ADGRV1: variants seen among roughly 807,000 people sequenced by gnomAD.
ADGRV1 encodes adhesion G protein-coupled receptor V1, also known as G-protein coupled receptor 98.
ADGRV1 carries 359 observed loss-of-function variants against 596.2 expected under a neutral mutation model. That is an observed-to-expected ratio of 0.60 (90% CI 0.55 to 0.66). The LOEUF (loss-of-function observed/expected upper bound fraction) is 0.66, where lower values mean the gene tolerates loss of function less well. Among genes scored for constraint, ADGRV1 ranks in the 30% least tolerant of loss-of-function variants. ADGRV1 has a pLI of 0.00. For missense variants in ADGRV1, 7,274 were observed against 7,575.6 expected (o/e 0.96, Z 1.48); for synonymous variants, 2,681 against 2,679.2 (o/e 1.00, Z -0.02).
At chr5:90,767,844 A>AGGTGTGATTACCCTAAT (rs1193078370) in intron 59 of ADGRV1, among the ~76,000 whole-genome samples, 1 of 152,152 alleles carries the variant, frequency 6.6e-6, no homozygotes, top group Non-Finnish European at 1.5e-5. Context: ...ATCATTCTTG[A>AGGTGTGATTACCCTAAT]GGTGTGATTA....
intron 78 of ADGRV1, among the ~76,000 whole-genome samples, chr5:90,845,816 G>T (rs1765829058): frequency 6.6e-6 from 1 of 152,050 alleles, no homozygotes; most frequent in Non-Finnish European, 1.5e-5. Context: ...TGTCCTACTA[G>T]CCTGTTATCT....
intron 71 of ADGRV1, 87 bp from the exon 72 acceptor site, chr5:90,805,197 C>A (rs1761786161): frequency 2.7e-6 from 3 of 1,098,362 alleles, no homozygotes; most frequent in African/African-American, 1.6e-5. Flanking sequence ...TTGTATAAAC[C>A]AAGGGAAAGT....
chr5:90,945,866 T>C (rs971388367), intron 83 of ADGRV1, among the ~76,000 whole-genome samples: 30 of 151,940 alleles, frequency 2.0e-4, no homozygotes, highest in Non-Finnish European at 4.0e-4. Context: ...TAGTCCCAGC[T>C]ACTCTGGAGG....
chr5:91,072,388 G>T lies in ADGRV1; in HGVS notation c.18153-59G>T. On this transcript the variant is annotated intron_variant, in intron 85 of 89. Transcript: ENST00000405460. ...ATAAAGTAGTGATGTGATACATTCT[G>T]CATTTAGAAATATTTGCGCTGAAAG... is the stretch of plus-strand genomic sequence containing the variant. 3 of 1,375,862 alleles carry T rather than the reference G, an allele frequency of 2.2e-6. No homozygotes were observed. In the South Asian group the frequency reaches 3.5e-5, roughly 16 times the overall value. The allele number at this position is 1,375,862 out of a possible 1,614,324, so 85.2% of individuals were successfully genotyped here. A position where few individuals can be genotyped will look rare whatever the true frequency, so the allele number is the denominator to read the frequency against.
chr5:90,861,417 C>A (rs1767547480), intron 82 of ADGRV1, among the ~76,000 whole-genome samples: 1 of 151,960 alleles, frequency 6.6e-6, no homozygotes, highest in Non-Finnish European at 1.5e-5. Flanking sequence ...TCAAGCGATT[C>A]TCCTGCCTCA....
At chr5:91,103,952 G>A (rs1051331536) in intron 87 of ADGRV1, among the ~76,000 whole-genome samples, 1 of 152,200 alleles carries the variant, frequency 6.6e-6, no homozygotes, top group Non-Finnish European at 1.5e-5. Context: ...AGAAGAAGTT[G>A]TAGGAGAGGA....
chr5:91,046,022 A>T (rs1419361688), intron 85 of ADGRV1, among the ~76,000 whole-genome samples: 1 of 152,184 alleles, frequency 6.6e-6, no homozygotes, highest in East Asian at 1.9e-4. Flanking sequence ...CATAGACAAC[A>T]CAAACAAATG....
rs150653394 is a variant in ADGRV1, at chr5:91,109,231, T to G, written c.18432+6891T>G. Among the ~76,000 whole-genome samples the G allele has an allele frequency of 1.3e-3, 196 of 152,332 alleles. 5 individuals are homozygous for G. In the East Asian group the frequency reaches 0.034, roughly 27 times the overall value. ...TTCTTATTGGTCTATCCTTATTATTTACATTTTCTTGATAGTTTAAAAAAT... is the reference window on the plus strand; with the variant it reads ...TTCTTATTGGTCTATCCTTATTATTGACATTTTCTTGATAGTTTAAAAAAT... On this transcript the variant is annotated intron_variant, in intron 87 of 89. Coordinates refer to ENST00000405460, the MANE Select transcript of ADGRV1 (RefSeq NM_032119.4).
intron 50 of ADGRV1, among the ~76,000 whole-genome samples, chr5:90,738,414 A>G (rs1265129847): frequency 6.6e-6 from 1 of 151,964 alleles, no homozygotes; most frequent in East Asian, 1.9e-4. Flanking sequence ...TTTTCTTTAA[A>G]TTTTCTCATG....
At chr5:90,802,007 G>A (rs1761429408) in intron 70 of ADGRV1, among the ~76,000 whole-genome samples, 1 of 152,078 alleles carries the variant, frequency 6.6e-6, no homozygotes, top group African/African-American at 2.4e-5. Flanking sequence ...AGTATTCAAT[G>A]AGGAGGAGGA....
At chr5:90,662,964 G>C (rs1184726743) in intron 21 of ADGRV1, among the ~76,000 whole-genome samples, 2 of 150,110 alleles carry the variant, frequency 1.3e-5, no homozygotes, top group African/African-American at 4.9e-5. Flanking sequence ...TGGCTGCATA[G>C]TATTCCATGG....
At chr5:90,776,373 A>G (rs1228457480) in intron 60 of ADGRV1, 80 bp from the exon 61 acceptor site, 4 of 1,316,934 alleles carry the variant, frequency 3.0e-6, no homozygotes, top group Non-Finnish European at 4.3e-6. Flanking sequence ...CTGTGTGTAA[A>G]GTGCTTAGAA....
intron 41 of ADGRV1, among the ~76,000 whole-genome samples, chr5:90,712,035 G>T (rs1053123968): frequency 6.6e-6 from 1 of 152,038 alleles, no homozygotes; most frequent in African/African-American, 2.4e-5. Context: ...TGATCAGCCC[G>T]CCTCGGCCTC....
At chr5:90,649,677 C>T (rs1031318703) in intron 17 of ADGRV1, among the ~76,000 whole-genome samples, 3 of 152,020 alleles carry the variant, frequency 2.0e-5, no homozygotes, top group Non-Finnish European at 2.9e-5. Flanking sequence ...TTAGTAGAGA[C>T]GGGGTTTCAT....
At chr5:90,583,535 C>G (rs1160007226) in intron 1 of ADGRV1, among the ~76,000 whole-genome samples, 1 of 152,096 alleles carries the variant, frequency 6.6e-6, no homozygotes, top group Non-Finnish European at 1.5e-5. Flanking sequence ...AAAACTTTTC[C>G]CTCCCTCCCC....
At chr5:91,071,727 T>G (rs1370925329) in intron 85 of ADGRV1, among the ~76,000 whole-genome samples, 2 of 152,140 alleles carry the variant, frequency 1.3e-5, no homozygotes, top group Admixed American at 1.3e-4. Context: ...TGGGCTGGAG[T>G]GCAGTGGCAT....
chr5:90,859,206 G>C (rs1486458015), intron 82 of ADGRV1, among the ~76,000 whole-genome samples: 5 of 152,080 alleles, frequency 3.3e-5, no homozygotes, highest in African/African-American at 1.2e-4. Flanking sequence ...AAAACTTCTG[G>C]CCTCAAGCGA....
rs79630722 is a variant in ADGRV1, at chr5:91,075,759, G to T, written c.18310+3155G>T. ...GTCTACATTTTAAAAATATAAAGTG[G>T]ATTTTCTCATTCTCCAGCATTTCAG... On this transcript the variant is annotated intron_variant, in intron 86 of 89. Coordinates refer to ENST00000405460, the MANE Select transcript of ADGRV1 (RefSeq NM_032119.4). 2.3e-3 allele frequency among the ~76,000 whole-genome samples: 351 copies of T among 151,928 alleles called. 7 individuals are homozygous for T. The highest frequency in any genetic ancestry group is 0.016 in the East Asian group (81 of 5,160).
intron 11 of ADGRV1, among the ~76,000 whole-genome samples, chr5:90,642,181 A>G (rs1211373344): frequency 6.6e-6 from 1 of 152,132 alleles, no homozygotes; most frequent in East Asian, 1.9e-4. Context: ...TGCTCTATTC[A>G]GTTAGTATAA....
Sources: gnomAD v4.1 joint callset for allele counts (sites outside exome capture counted in the v4.1 genomes callset) on GRCh38, gnomAD v4.1.1 for gene constraint, MANE v1.5 for transcripts, NCBI Gene and HGNC (gene_info 2026-07-23, HGNC 2026-07-21) for gene names.